PPP3R1: variants seen among roughly 807,000 people sequenced by gnomAD.
PPP3R1 encodes protein phosphatase 3 regulatory subunit B, alpha.
Under a neutral mutation model 22.6 loss-of-function variants are expected in PPP3R1, and 5 were observed. The ratio of observed to expected loss-of-function variants is 0.22; its 90% CI spans 0.12 to 0.46. The LOEUF is 0.46. Among genes scored for constraint, PPP3R1 ranks in the 20% least tolerant of loss-of-function variants. PPP3R1 has a pLI of 0.99. For synonymous variants in PPP3R1, 56 were observed against 65.2 expected (o/e 0.86, Z 0.68); for missense variants, 61 against 203.2 (o/e 0.30, Z 4.25).
intron 1 of PPP3R1, among the ~76,000 whole-genome samples, chr2:68,250,466 T>TA (rs1308989075): frequency 1.3e-5 from 2 of 152,218 alleles, no homozygotes; most frequent in African/African-American, 4.8e-5. Context: ...ATGTGCTGTT[T>TA]ATAAAGCTAA....
chr2:68,203,473 T>C (rs572697524), intron 2 of PPP3R1, among the ~76,000 whole-genome samples: 1 of 152,170 alleles, frequency 6.6e-6, no homozygotes, highest in South Asian at 2.1e-4. Flanking sequence ...TGGTGGCACA[T>C]GCTTGTAATC....
chr2:68,241,140 C>G (rs1670122040), intron 1 of PPP3R1, among the ~76,000 whole-genome samples: 1 of 151,740 alleles, frequency 6.6e-6, no homozygotes, highest in Non-Finnish European at 1.5e-5. Context: ...TCTTAGAAAC[C>G]AAACTCCACA....
chr2:68,197,519 G>A (rs1234945548), intron 2 of PPP3R1, among the ~76,000 whole-genome samples: 1 of 152,042 alleles, frequency 6.6e-6, no homozygotes, highest in Non-Finnish European at 1.5e-5. Flanking sequence ...GGGTCACAGG[G>A]TTAAGTTTTC....
chr2:68,250,132 G>C (rs995066040), intron 1 of PPP3R1, among the ~76,000 whole-genome samples: 1 of 151,872 alleles, frequency 6.6e-6, no homozygotes, highest in African/African-American at 2.4e-5. Flanking sequence ...TCCTGAAATG[G>C]TATTGGGAGG....
Position 68,179,484 on chromosome 2 carries a change from G to A in PPP3R1, c.*1479C>T, listed in dbSNP as rs914295308. The A allele has an allele frequency of 1.3e-5, 2 of 152,384 alleles. No individual in the cohort carries two copies. Among genetic ancestry groups the A allele is most frequent in the African/African-American group, 4.8e-5 (2 of 41,460 alleles). The allele number at this position is 152,384 out of a possible 1,614,324, so 9.4% of individuals were successfully genotyped here. ...CTCAGTTGAAGGAACAGCGATGGCA[G>A]GCAGGTGTGCTCAATTTCAGATTGA... On this transcript the variant is annotated 3_prime_UTR_variant, in exon 6 of 6. Coordinates refer to ENST00000234310, the MANE Select transcript of PPP3R1 (RefSeq NM_000945.4).
chr2:68,233,924 G>A (rs574431462), intron 1 of PPP3R1, among the ~76,000 whole-genome samples: 71 of 152,134 alleles, frequency 4.7e-4, no homozygotes, highest in South Asian at 3.1e-3. Flanking sequence ...AAAAAAGAAA[G>A]TTAACATTTA....
intron 5 of PPP3R1, among the ~76,000 whole-genome samples, chr2:68,182,707 A>C (rs1289144491): frequency 6.6e-6 from 1 of 151,342 alleles, no homozygotes; most frequent in Non-Finnish European, 1.5e-5. Flanking sequence ...CCTGGGCAAC[A>C]AACTGAGGCA....
intron 2 of PPP3R1, among the ~76,000 whole-genome samples, chr2:68,200,397 G>A (rs998260976): frequency 3.3e-5 from 5 of 152,080 alleles, no homozygotes; most frequent in Admixed American, 6.5e-5. Flanking sequence ...ACCCAATGGC[G>A]TCCAAAGATG....
intron 2 of PPP3R1, among the ~76,000 whole-genome samples, chr2:68,189,980 A>G (rs1457724753): frequency 6.6e-6 from 1 of 152,020 alleles, no homozygotes; most frequent in Non-Finnish European, 1.5e-5. Context: ...ACAACACTAG[A>G]AAAGAGTACA....
chr2:68,220,910 C>T (rs1391315795), intron 1 of PPP3R1, among the ~76,000 whole-genome samples: 1 of 152,000 alleles, frequency 6.6e-6, no homozygotes, highest in Non-Finnish European at 1.5e-5. Context: ...GAATGGTGAA[C>T]AATTACTTTT....
At position 68,241,498 on chromosome 2, in the gene PPP3R1, C is replaced by A. The variant is rs76999740; in HGVS notation, c.3+10627G>T. On this transcript the variant is annotated intron_variant, in intron 1 of 5. Transcript: ENST00000234310. ...GTCACATTGCTAATAAATGGCAGAG[C>A]CAGAATCTAAATTCAGATCTTCCCA... Among the ~76,000 whole-genome samples, 1,212 of 152,180 alleles carry A rather than the reference C, an allele frequency of 8.0e-3. 11 individuals carry two copies. Among genetic ancestry groups the A allele is most frequent in the African/African-American group, 0.028 (1,165 of 41,514 alleles).
At chr2:68,226,229 T>C (rs1196998010) in intron 1 of PPP3R1, among the ~76,000 whole-genome samples, 1 of 152,184 alleles carries the variant, frequency 6.6e-6, no homozygotes, top group Non-Finnish European at 1.5e-5. Flanking sequence ...ATAGACCTAT[T>C]CTACATCTTG....
chr2:68,222,843 GCAGA>G (rs1300938683), intron 1 of PPP3R1, among the ~76,000 whole-genome samples: 1 of 151,862 alleles, frequency 6.6e-6, no homozygotes, highest in Non-Finnish European at 1.5e-5. Flanking sequence ...CCCATGAAAG[GCAGA>G]CAAATAGGTA....
intron 2 of PPP3R1, among the ~76,000 whole-genome samples, chr2:68,211,425 A>AAAAAC (rs1669484532): frequency 6.7e-6 from 1 of 149,478 alleles, no homozygotes; most frequent in Non-Finnish European, 1.5e-5. Context: ...AAAAAAAAAA[A>AAAAAC]CTCTATTGCT....
intron 2 of PPP3R1, 36 bp downstream of exon 2, chr2:68,217,056 A>C (rs1669594012): frequency 6.7e-7 from 1 of 1,497,968 alleles, no homozygotes; most frequent in Non-Finnish European, 9.2e-7. Context: ...AGATGAGTGA[A>C]TAAAAGTAAC....
intron 1 of PPP3R1, among the ~76,000 whole-genome samples, chr2:68,224,925 C>T (rs751444294): frequency 6.6e-6 from 1 of 152,034 alleles, no homozygotes; most frequent in Non-Finnish European, 1.5e-5. Context: ...ATCAAATAAA[C>T]ACATGAAAAG....
chr2:68,244,863 T>C (rs1445379927), intron 1 of PPP3R1, among the ~76,000 whole-genome samples: 2 of 152,160 alleles, frequency 1.3e-5, no homozygotes, highest in Non-Finnish European at 1.5e-5. Flanking sequence ...ACATCTACCA[T>C]ATACCAAGTA....
chr2:68,229,431 T>C (rs1477276066), intron 1 of PPP3R1, among the ~76,000 whole-genome samples: 2 of 152,226 alleles, frequency 1.3e-5, no homozygotes, highest in East Asian at 1.9e-4. Context: ...GTTGAGTATC[T>C]TTCTATATCC....
At chr2:68,221,459 C>T (rs1475077776) in intron 1 of PPP3R1, among the ~76,000 whole-genome samples, 1 of 151,132 alleles carries the variant, frequency 6.6e-6, no homozygotes, top group African/African-American at 2.4e-5. Context: ...GAGCACACCA[C>T]TGCACTCCAG....
Sources: allele counts gnomAD v4.1 joint callset (sites outside exome capture counted in the v4.1 genomes callset), GRCh38; gene constraint gnomAD v4.1.1; transcripts MANE v1.5; gene names NCBI Gene and HGNC (gene_info 2026-07-23, HGNC 2026-07-21).